The following DOP1B variants were observed in gnomAD, a reference collection of about 807,000 sequenced individuals.
DOP1B encodes protein DOP1B.
In DOP1B, 174 loss-of-function variants were observed where a neutral mutation model predicts 233.5. The ratio of observed to expected loss-of-function variants is 0.75; its 90% CI spans 0.66 to 0.85. The LOEUF is 0.85. Among genes scored for constraint, DOP1B ranks in the 40% least tolerant of loss-of-function variants. The pLI is 0.00. For missense variants in DOP1B, 2,652 were observed against 2,846.6 expected (o/e 0.93, Z 1.56); for synonymous variants, 1,190 against 1,185.6 (o/e 1.00, Z -0.08).
chr21:36,251,149 C>T lies in DOP1B; in HGVS notation c.4999-13C>T, dbSNP rs2298450. 587,167 of 1,593,816 alleles carry T rather than the reference C, an allele frequency of 0.37. 110,458 individuals are homozygous for T. The highest frequency in any genetic ancestry group is 0.53 in the African/African-American group (38,514 of 73,166). On this transcript the variant is annotated splice_polypyrimidine_tract_variant and intron_variant, in intron 21 of 36. Coordinates refer to ENST00000691173, the MANE Select transcript of DOP1B (RefSeq NM_001320714.2). The stretch of plus-strand genomic sequence containing the variant: ...TATTACTCTGCAGTAACTTTTTTTT[C>T]CCTATTTTCTAGACCATAAGACAAA...
intron 1 of DOP1B, among the ~76,000 whole-genome samples, chr21:36,161,179 T>C (rs1382585271): frequency 6.6e-6 from 1 of 151,896 alleles, no homozygotes; most frequent in Non-Finnish European, 1.5e-5. Flanking sequence ...AGAGTCTCAC[T>C]ATGTCACCCA....
chr21:36,176,431 G>T (rs2066031673), intron 2 of DOP1B, among the ~76,000 whole-genome samples: 1 of 152,112 alleles, frequency 6.6e-6, no homozygotes, highest in African/African-American at 2.4e-5. Context: ...AGCCTGCAGG[G>T]TGCCTGGTTT....
rs4817788 is a variant in DOP1B, at chr21:36,245,332, T to G, written c.3352T>G (p.Cys1118Gly). 0.88 allele frequency: 1,425,610 copies of G among 1,614,036 alleles called. 630,928 individuals carry two copies. The highest frequency in any genetic ancestry group is 1 in the East Asian group (44,860 of 44,870). Reference sequence around the variant, plus strand: ...CACCGAGTCTGCAGATACAAGCTCCTGCCACACGGACAGCGAGAACACGTC... The same window carrying G: ...CACCGAGTCTGCAGATACAAGCTCCGGCCACACGGACAGCGAGAACACGTC... ...EHTESADTSS[C>G]HTDSENTSSF... Residue 1118 changes from cysteine to glycine, a missense_variant, in exon 19 of 37, where the codon TGC (cysteine) becomes GGC (glycine). Cys to Gly is a radical substitution (Grantham distance 159). Transcript: ENST00000691173. This position sits in a 1 kb window ranked among gnomAD's most constrained non-coding sequence, Gnocchi z 5.5.
chr21:36,264,232 G>A (rs2067208337), intron 26 of DOP1B, among the ~76,000 whole-genome samples: 1 of 152,112 alleles, frequency 6.6e-6, no homozygotes, highest in Admixed American at 6.6e-5. Flanking sequence ...ACCAATCTGG[G>A]TAACATAGTG....
chr21:36,280,208 A>G (rs1362781414), intron 30 of DOP1B, 77 bp from the exon 31 acceptor site: 2 of 1,089,070 alleles, frequency 1.8e-6, no homozygotes, highest in South Asian at 1.4e-5. Flanking sequence ...TTAAGAGGAT[A>G]TGTTATTTTC....
intron 2 of DOP1B, among the ~76,000 whole-genome samples, chr21:36,198,027 A>G (rs2066312788): frequency 6.6e-6 from 1 of 151,870 alleles, no homozygotes; most frequent in African/African-American, 2.4e-5. Flanking sequence ...CTCAAAAAAA[A>G]AAAAAAAAGA....
chr21:36,292,087 C>T lies in DOP1B; in HGVS notation c.6516-17C>T, dbSNP rs1419673099. 6.3e-7 allele frequency: 1 copy of T among 1,582,054 alleles called. No homozygotes were observed. The highest frequency in any genetic ancestry group is 8.5e-7 in the Non-Finnish European group (1 of 1,170,296). ...GCCTCTTACCAGCAGACCTGACCTT[C>T]TGTTTGTTCCCTGCAGTTATAGGTG... On this transcript the variant is annotated splice_polypyrimidine_tract_variant and intron_variant, in intron 35 of 36. Coordinates refer to ENST00000691173, the MANE Select transcript of DOP1B (RefSeq NM_001320714.2).
chr21:36,217,255 G>A (rs2066570760), intron 9 of DOP1B, among the ~76,000 whole-genome samples: 1 of 152,164 alleles, frequency 6.6e-6, no homozygotes, highest in African/African-American at 2.4e-5. Flanking sequence ...GAGGGAAGGG[G>A]AGACTCCATG....
rs1243501586 is a variant in DOP1B, at chr21:36,292,162, G to A, written c.6574G>A (p.Val2192Ile). The A allele has an allele frequency of 1.3e-5, 21 of 1,612,340 alleles. No individual in the cohort carries two copies. Among genetic ancestry groups the A allele is most frequent in the Non-Finnish European group, 1.6e-5 (19 of 1,179,368 alleles). The change falls in exon 36 of 37, where the codon GTA becomes ATA. Residue 2192 changes from valine to isoleucine, a missense_variant. By Grantham distance (29) the Val-to-Ile change is conservative (BLOSUM62 3). This residue lies in a region of DOP1B where 2,617 missense variants were observed against 2,794.3 expected (regional missense o/e 0.94). Transcript: ENST00000691173. Reference protein sequence around the residue: ...DTEGPAFLSDVEENHQECKPH... With the variant: ...DTEGPAFLSDIEENHQECKPH... ...AGAGGGCCCTGCCTTCCTGTCGGAT[G>A]TAGAGGAGAATCACCAAGAATGCAA... is the stretch of plus-strand genomic sequence containing the variant.
At position 36,211,555 on chromosome 21, in the gene DOP1B, G is replaced by T. The variant is rs768959217; in HGVS notation, c.684G>T (p.Val228=). The change falls in exon 6 of 37, where the codon GTG becomes GTT. Residue 228 remains valine (V), a splice_region_variant and synonymous_variant. Transcript: ENST00000691173. ...TAGTGCCGTTTGATCGTTTACAGGT[G>T]AAGTCTTTGCGTGCCTCCCTGTTGG... ...YMLGTNHQLT[V]KSLRASLLDS... is the part of the protein sequence containing the mutation. 6 of 1,614,114 alleles carry T rather than the reference G, an allele frequency of 3.7e-6. No individual in the cohort carries two copies. Among genetic ancestry groups the T allele is most frequent in the Non-Finnish European group, 4.2e-6 (5 of 1,179,934 alleles).
At chr21:36,161,464 T>C (rs561348863) in intron 1 of DOP1B, among the ~76,000 whole-genome samples, 67 of 152,252 alleles carry the variant, frequency 4.4e-4, no homozygotes, top group Non-Finnish European at 7.8e-4. Flanking sequence ...ACAGCTTTAT[T>C]GCACTATAAT....
intron 15 of DOP1B, among the ~76,000 whole-genome samples, chr21:36,235,599 A>G (rs2123560718): frequency 6.6e-6 from 1 of 151,996 alleles, no homozygotes; most frequent in South Asian, 2.1e-4. Context: ...ATGGTGGCAC[A>G]CACCTGTAGT....
At chr21:36,264,059 C>T (rs1014174848) in intron 26 of DOP1B, among the ~76,000 whole-genome samples, 1 of 152,206 alleles carries the variant, frequency 6.6e-6, no homozygotes, top group Non-Finnish European at 1.5e-5. Context: ...TTGACAGCTG[C>T]ACCCCTCACC....
At chr21:36,239,646 G>C (rs1403040268) in intron 17 of DOP1B, 119 bp from the exon 18 acceptor site, 1 of 1,190,320 alleles carries the variant, frequency 8.4e-7, no homozygotes, top group East Asian at 2.7e-5. Flanking sequence ...TGGAAGTCCA[G>C]CTTGGGTGGA....
chr21:36,248,686 G>C, intron 21 of DOP1B, 118 bp downstream of exon 21: 2 of 980,314 alleles, frequency 2.0e-6, no homozygotes, highest in Non-Finnish European at 2.8e-6. Context: ...ACCCAAGTCA[G>C]AGATCAGAAG....
intron 1 of DOP1B, among the ~76,000 whole-genome samples, chr21:36,160,857 G>A (rs935491695): frequency 6.6e-6 from 1 of 152,196 alleles, no homozygotes; most frequent in African/African-American, 2.4e-5. Context: ...AGCACTGTGT[G>A]TAAAGGCACT....
At chr21:36,223,098 C>T (rs1314632515) in intron 10 of DOP1B, 133 bp from the exon 11 acceptor site, 2 of 837,714 alleles carry the variant, frequency 2.4e-6, no homozygotes, top group African/African-American at 3.5e-5. Context: ...GTAATATTTT[C>T]ATTTTTATCA....
At chr21:36,231,276 C>T (rs996630124) in intron 14 of DOP1B, 142 bp downstream of exon 14, 3 of 1,107,612 alleles carry the variant, frequency 2.7e-6, no homozygotes, top group African/African-American at 3.2e-5. Context: ...GGAATATTTG[C>T]CTTACACTTA....
intron 1 of DOP1B, among the ~76,000 whole-genome samples, chr21:36,164,321 T>C (rs564998343): frequency 6.6e-6 from 1 of 152,196 alleles, no homozygotes; most frequent in Admixed American, 6.5e-5. Flanking sequence ...AGACCCTGCC[T>C]CCAAAAAAAC....
Sources: gnomAD v4.1 joint callset for allele counts (sites outside exome capture counted in the v4.1 genomes callset) on GRCh38, gnomAD v4.1.1 for gene constraint, gnomAD v4.1.1 regional missense constraint, Gnocchi (gnomAD v3.1) non-coding constraint, MANE v1.5 for transcripts, NCBI Gene and HGNC (gene_info 2026-07-23, HGNC 2026-07-21) for gene names.